The following DGCR8 variants were observed in gnomAD, a reference collection of about 807,000 sequenced individuals.
DGCR8 encodes the protein microprocessor complex subunit DGCR8.
In DGCR8, 14 loss-of-function variants were observed where a neutral mutation model predicts 78.5. That is an observed-to-expected ratio of 0.18 (90% CI 0.12 to 0.28). The LOEUF (loss-of-function observed/expected upper bound fraction) is 0.28. DGCR8 is among the 10% of genes least tolerant of loss of function. The pLI, the probability that DGCR8 is intolerant of heterozygous loss-of-function variation, is 1.00. For synonymous variants in DGCR8, 399 were observed against 402.4 expected, an observed-to-expected ratio of 0.99 and a Z score of 0.10; for missense variants, 702 against 1,022.5, an observed-to-expected ratio of 0.69 and a Z score of 4.28.
At chr22:20,107,655 G>A (rs897213106) in intron 12 of DGCR8, 2 of 505,570 alleles carry the variant, frequency 4.0e-6, no homozygotes, top group Non-Finnish European at 7.2e-6. Context: ...GTGGCTTGTA[G>A]GGAGATGGCC....
At chr22:20,107,199 G>A in intron 11 of DGCR8, 72 bp from the exon 12 acceptor site, 1 of 1,589,868 alleles carries the variant, frequency 6.3e-7, no homozygotes, top group African/African-American at 1.3e-5. Flanking sequence ...AGGAGGGCTG[G>A]GAGCGGCAGG....
At chr22:20,094,851 C>T in intron 9 of DGCR8, 56 bp downstream of exon 9, 1 of 1,519,110 alleles carries the variant, frequency 6.6e-7, no homozygotes, top group Non-Finnish European at 9.1e-7. Context: ...GGCTACCCTG[C>T]CCTGTTAGTG....
Position 20,089,973 on chromosome 22 carries a change from C to T in DGCR8, c.1024-3C>T, listed in dbSNP as rs769678734. On this transcript the variant is annotated splice_polypyrimidine_tract_variant and splice_region_variant and intron_variant, in intron 4 of 13. Transcript: ENST00000351989. This position sits in a 1 kb window ranked among gnomAD's most constrained non-coding sequence, Gnocchi z 4.9. ...ATCCATATTGCAATTTCACTATCCACAGAAACACGACCCTCCTCTGAGTAG... is the reference window on the plus strand; with the variant it reads ...ATCCATATTGCAATTTCACTATCCATAGAAACACGACCCTCCTCTGAGTAG... 1 of 1,603,394 alleles carries T rather than the reference C, an allele frequency of 6.2e-7. No homozygotes were observed. Among genetic ancestry groups the T allele is most frequent in the Non-Finnish European group, 8.5e-7 (1 of 1,173,568 alleles).
Position 20,091,988 on chromosome 22 carries a change from C to A in DGCR8, c.1606+18C>A. ...TGAATGTGGTAAGTCTAACCTTCCC[C>A]ATTTCAGTCCTAAAGAATCACAAGG... On this transcript the variant is annotated intron_variant, in intron 7 of 13. Coordinates refer to ENST00000351989, the MANE Select transcript of DGCR8 (RefSeq NM_022720.7). 6.3e-7 allele frequency: 1 copy of A among 1,590,338 alleles called. No individual in the cohort carries two copies. Among genetic ancestry groups the A allele is most frequent in the East Asian group, 2.2e-5 (1 of 44,458 alleles).
chr22:20,108,725 G>C (rs1449176505), intron 12 of DGCR8, 165 bp from the exon 13 acceptor site: 1 of 531,476 alleles, frequency 1.9e-6, no homozygotes, highest in Admixed American at 2.8e-5. Context: ...TCACTGAGGC[G>C]GGCCAGTCAG....
intron 8 of DGCR8, among the ~76,000 whole-genome samples, chr22:20,093,495 G>A (rs1022325958): frequency 3.4e-4 from 51 of 152,194 alleles, no homozygotes; most frequent in African/African-American, 1.2e-3. Flanking sequence ...TCAGGGGTGT[G>A]CCTAGAGCCA....
rs1009489573 is a variant in DGCR8, at chr22:20,106,518, C to T, written c.1890-74C>T. On this transcript the variant is annotated intron_variant, in intron 10 of 13. Coordinates refer to ENST00000351989, the MANE Select transcript of DGCR8 (RefSeq NM_022720.7). ...GCTTGGTCATTTCCTAAGGGCTTCC[C>T]AGAGCAGGCCTCCTCAGAGGCAGCT... The T allele has an allele frequency of 1.1e-5, 13 of 1,144,726 alleles. No individual in the cohort carries two copies. The African/African-American group carries it at 1.4e-4, about 12-fold the overall frequency. 70.9% of individuals were successfully genotyped at this position (1,144,726 alleles called of 1,614,324 possible). A position where few individuals can be genotyped will look rare whatever the true frequency, so the allele number is the denominator to read the frequency against.
intron 9 of DGCR8, among the ~76,000 whole-genome samples, chr22:20,097,506 A>C (rs1284321175): frequency 6.6e-6 from 1 of 151,982 alleles, no homozygotes; most frequent in African/African-American, 2.4e-5. Flanking sequence ...TTATTTCTAT[A>C]TGGTTGTGAT....
At chr22:20,109,336 T>G (rs2049807367) in intron 13 of DGCR8, among the ~76,000 whole-genome samples, 1 of 152,194 alleles carries the variant, frequency 6.6e-6, no homozygotes, top group South Asian at 2.1e-4. Flanking sequence ...TCTGTAGGGC[T>G]TGGTCCTGAT....
rs2049497721 is a variant in DGCR8, at chr22:20,087,299, C to T, written c.858C>T (p.Thr286=). The change falls in exon 3 of 14, where the codon ACC becomes ACT. Residue 286 remains threonine (T), a synonymous_variant. Coordinates refer to ENST00000351989, the MANE Select transcript of DGCR8 (RefSeq NM_022720.7). The surrounding 1 kb of genome is among the most constrained non-coding windows in gnomAD (Gnocchi z 4.1). The part of the protein sequence containing the change: ...DGETSVQPMM[T]KIKTVLKSRG... ...AGACAAGTGTGCAGCCGATGATGAC[C>T]AAGATTAAAACAGTGCTCAAAAGTA... 6.2e-7 allele frequency: 1 copy of T among 1,612,524 alleles called. No homozygotes were observed. Among genetic ancestry groups the T allele is most frequent in the Non-Finnish European group, 8.5e-7 (1 of 1,179,016 alleles).
intron 9 of DGCR8, among the ~76,000 whole-genome samples, chr22:20,098,386 C>T (rs896754540): frequency 3.3e-5 from 5 of 152,084 alleles, no homozygotes; most frequent in African/African-American, 4.8e-5. Context: ...TCTCAGAGAG[C>T]GTGTATATTA....
Position 20,110,159 on chromosome 22 carries a change from A to C in DGCR8, c.*51A>C. ...GGGGCCGCCAGCCGCACTTCTGAGG[A>C]GACCAGCAGTCATGCATCGTGCACC... On this transcript the variant is annotated 3_prime_UTR_variant, in exon 14 of 14. Transcript: ENST00000351989. The C allele has an allele frequency of 6.4e-7, 1 of 1,561,748 alleles. No individual in the cohort carries two copies. Among genetic ancestry groups the C allele is most frequent in the Non-Finnish European group, 8.7e-7 (1 of 1,146,046 alleles).
intron 12 of DGCR8, chr22:20,107,611 T>C (rs2049785953): frequency 1.7e-6 from 1 of 588,830 alleles, no homozygotes; most frequent in Non-Finnish European, 3.0e-6. Context: ...CAGTGAAGTG[T>C]GGGTGATTGG....
intron 9 of DGCR8, chr22:20,101,302 C>T (rs1293279751): frequency 2.1e-5 from 21 of 984,890 alleles, no homozygotes; most frequent in Non-Finnish European, 2.5e-5. Flanking sequence ...GTGGGCTGGG[C>T]GCGGTGGCTC....
At chr22:20,101,778 G>C (rs557233362) in intron 9 of DGCR8, 4 of 985,222 alleles carry the variant, frequency 4.1e-6, no homozygotes, top group Non-Finnish European at 4.8e-6. Flanking sequence ...GCTCCTCCCA[G>C]CTGCCTGTGC....
At chr22:20,083,249 T>G (rs1366900378) in intron 1 of DGCR8, among the ~76,000 whole-genome samples, 1 of 152,096 alleles carries the variant, frequency 6.6e-6, no homozygotes, top group Non-Finnish European at 1.5e-5. Context: ...CTTGAATACT[T>G]CTTGGCATGT....
At chr22:20,098,849 G>A (rs371482714) in intron 9 of DGCR8, among the ~76,000 whole-genome samples, 1 of 152,160 alleles carries the variant, frequency 6.6e-6, no homozygotes, top group African/African-American at 2.4e-5. Context: ...GTAATGTGAT[G>A]ACCTCTGTAA....
Position 20,090,077 on chromosome 22 carries a change from T to C in DGCR8, c.1125T>C (p.Asp375=). The C allele has an allele frequency of 6.2e-7, 1 of 1,614,226 alleles. No individual in the cohort carries two copies. The highest frequency in any genetic ancestry group is 8.5e-7 in the Non-Finnish European group (1 of 1,180,030). ...GCAGTGACCTCACCCCTAGTGGGGA[T>C]GTGTCCCCCGTCAAGCCCCTGAGCC... ...EQSSDLTPSG[D]VSPVKPLSRS... The change falls in exon 5 of 14, where the codon GAT becomes GAC. Residue 375 remains aspartate (D), a synonymous_variant. Coordinates refer to ENST00000351989, the MANE Select transcript of DGCR8 (RefSeq NM_022720.7).
intron 9 of DGCR8, among the ~76,000 whole-genome samples, chr22:20,099,964 G>A (rs1037423960): frequency 6.6e-6 from 1 of 152,052 alleles, no homozygotes; most frequent in African/African-American, 2.4e-5. Flanking sequence ...CATGTTTTCT[G>A]TGCTTTATGT....
Sources: gnomAD v4.1 joint callset for allele counts (sites outside exome capture counted in the v4.1 genomes callset) on GRCh38, gnomAD v4.1.1 for gene constraint, Gnocchi (gnomAD v3.1) non-coding constraint, MANE v1.5 for transcripts, NCBI Gene and HGNC (gene_info 2026-07-23, HGNC 2026-07-21) for gene names.